Variants in MYADM observed in about 807,000 individuals in gnomAD.
MYADM encodes myeloid-associated differentiation marker.
For synonymous variants in MYADM, 224 were observed against 210.2 expected, an observed-to-expected ratio of 1.07 and a Z score of -0.57; for missense variants, 416 against 443.4, an observed-to-expected ratio of 0.94 and a Z score of 0.56.
rs2068430817 is a variant in MYADM, at chr19:53,873,307, G to A, written c.-2-221G>A. Among the ~76,000 whole-genome samples the A allele has an allele frequency of 6.6e-6, 1 of 152,102 alleles. No homozygotes were observed. The highest frequency in any genetic ancestry group is 1.5e-5 in the Non-Finnish European group (1 of 68,018). On this transcript the variant is annotated intron_variant, in intron 2 of 2. Transcript: ENST00000391770. This position sits in a 1 kb window ranked among gnomAD's most constrained non-coding sequence, Gnocchi z 4.3. Reference sequence around the variant, plus strand: ...GAATCACTTGAACCTGAGTAGCAGAGGTTGTAGTGAGCTGAGATTGTGCCA... The same window carrying A: ...GAATCACTTGAACCTGAGTAGCAGAAGTTGTAGTGAGCTGAGATTGTGCCA...
At chr19:53,872,043 C>T (rs534466104) in intron 2 of MYADM, among the ~76,000 whole-genome samples, 18 of 151,488 alleles carry the variant, frequency 1.2e-4, no homozygotes, top group Non-Finnish European at 1.9e-4. Flanking sequence ...CGATTACAAG[C>T]GCCCACCACC....
rs556633058 is a variant in MYADM, at chr19:53,873,147, G to A, written c.-2-381G>A. ...AGCACTTTGGGAGGCCAAGGCCAGC[G>A]GATCATGAGGTCAGGAGATCGAGAC... On this transcript the variant is annotated intron_variant, in intron 2 of 2. Transcript: ENST00000391770. The surrounding 1 kb of genome is among the most constrained non-coding windows in gnomAD (Gnocchi z 4.3). 1.8e-4 allele frequency among the ~76,000 whole-genome samples: 28 copies of A among 152,236 alleles called. No individual in the cohort carries two copies. The highest frequency in any genetic ancestry group is 1.7e-3 in the East Asian group (9 of 5,164).
intron 2 of MYADM, among the ~76,000 whole-genome samples, chr19:53,872,193 C>G (rs2068404439): frequency 6.6e-6 from 1 of 151,694 alleles, no homozygotes; most frequent in Non-Finnish European, 1.5e-5. Context: ...GCCACTGCGC[C>G]CAGATTATTT....
At chr19:53,871,485 G>T (rs555516549) in intron 2 of MYADM, among the ~76,000 whole-genome samples, 3 of 152,162 alleles carry the variant, frequency 2.0e-5, no homozygotes, top group African/African-American at 7.2e-5. Context: ...TAGACTGAGA[G>T]TGAAGGTTGC....
At chr19:53,872,264 T>C (rs2068406317) in intron 2 of MYADM, among the ~76,000 whole-genome samples, 1 of 151,350 alleles carries the variant, frequency 6.6e-6, no homozygotes, top group Non-Finnish European at 1.5e-5. Flanking sequence ...GGTTCTATCT[T>C]GGCTCACTGC....
chr19:53,872,812 CA>C (rs1381234004), intron 2 of MYADM: 3 of 152,328 alleles, frequency 2.0e-5, no homozygotes, highest in African/African-American at 7.2e-5. Flanking sequence ...TGTGCCTGGC[CA>C]GAGGGGTGGT....
upstream of MYADM, among the ~76,000 whole-genome samples, chr19:53,867,696 G>A (rs2122887392): frequency 6.6e-6 from 1 of 152,282 alleles, no homozygotes; most frequent in South Asian, 2.1e-4. Context: ...GGGTGGGGCG[G>A]GAGCTCCACG....
At position 53,874,777 on chromosome 19, in the gene MYADM, T is replaced by TC; in HGVS notation, c.*279_*280insC. On this transcript the variant is annotated 3_prime_UTR_variant, in exon 3 of 3. Transcript: ENST00000391770. Reference sequence around the variant, plus strand: ...CTGTTTCTCTTTTTCTTTTCTTTTTTTTTTTTTTTTTTTTTTAAGACGGAT... The same window carrying TC: ...CTGTTTCTCTTTTTCTTTTCTTTTTTCTTTTTTTTTTTTTTTTAAGACGGAT... The TC allele has an allele frequency of 6.0e-6, 1 of 166,884 alleles. No homozygotes were observed. The highest frequency in any genetic ancestry group is 2.7e-5 in the African/African-American group (1 of 36,702). 10.3% of individuals were successfully genotyped at this position (166,884 alleles called of 1,614,324 possible). A position where few individuals can be genotyped will look rare whatever the true frequency, so the allele number is the denominator to read the frequency against.
At chr19:53,867,449 C>A (rs533575520), upstream of MYADM, among the ~76,000 whole-genome samples, 2 of 144,256 alleles carry the variant, frequency 1.4e-5, no homozygotes, top group South Asian at 4.4e-4. Context: ...AGGAAGGGAG[C>A]GGAAGAAAGG....
chr19:53,868,907 A>T lies in MYADM; in HGVS notation c.-87-847A>T, dbSNP rs903258189. ...GCGCGCCCCCCTCCGCGGCTAGCCC[A>T]CCTTCCGCGGGGGACAGAATGAGTG... On this transcript the variant is annotated intron_variant, in intron 1 of 2. Transcript: ENST00000391770. This position sits in a 1 kb window ranked among gnomAD's most constrained non-coding sequence, Gnocchi z 6.3. The T allele has an allele frequency of 2.0e-4, 28 of 139,232 alleles. No individual in the cohort carries two copies. Among genetic ancestry groups the T allele is most frequent in the African/African-American group, 6.9e-4 (26 of 37,740 alleles). The allele number at this position is 139,232 out of a possible 1,614,324, so 8.6% of individuals were successfully genotyped here.
At chr19:53,870,421 C>A (rs1440065040) in intron 2 of MYADM, among the ~76,000 whole-genome samples, 1 of 140,756 alleles carries the variant, frequency 7.1e-6, no homozygotes, top group Admixed American at 7.0e-5. Flanking sequence ...GGCCTGGGCT[C>A]CTGGGTCTGA....
rs1006866365 is a variant in MYADM, at chr19:53,873,228, C to T, written c.-2-300C>T. On this transcript the variant is annotated intron_variant, in intron 2 of 2. Transcript: ENST00000391770. The surrounding 1 kb of genome is among the most constrained non-coding windows in gnomAD (Gnocchi z 4.3). ...CTACTAAAAATACAAAAAAATTAGC[C>T]GGGCGTGGTGGCACATGCCTGTAAT... is the stretch of plus-strand genomic sequence containing the variant. 3.3e-5 allele frequency among the ~76,000 whole-genome samples: 5 copies of T among 152,238 alleles called. No individual in the cohort carries two copies. The highest frequency in any genetic ancestry group is 1.9e-4 in the East Asian group (1 of 5,172).
chr19:53,869,705 G>A (rs909893376), intron 1 of MYADM, 49 bp from the exon 2 acceptor site: 10 of 152,566 alleles, frequency 6.6e-5, no homozygotes, highest in African/African-American at 2.4e-4. Flanking sequence ...TCGATCCCTA[G>A]AGGGAGGAGC....
At position 53,873,431 on chromosome 19, in the gene MYADM, G is replaced by T; in HGVS notation, c.-2-97G>T. The T allele has an allele frequency of 2.3e-6, 3 of 1,304,648 alleles. No individual in the cohort carries two copies. The highest frequency in any genetic ancestry group is 2.3e-5 in the Admixed American group (1 of 43,648). 80.8% of individuals were successfully genotyped at this position (1,304,648 alleles called of 1,614,324 possible). On this transcript the variant is annotated intron_variant, in intron 2 of 2. Transcript: ENST00000391770. This position sits in a 1 kb window ranked among gnomAD's most constrained non-coding sequence, Gnocchi z 4.3. The stretch of plus-strand genomic sequence containing the variant: ...ACATCTTGGGAACTCCCTAATTAGA[G>T]CTCATATTAATTTGTCCCTGGGGTA...
Position 53,873,775 on chromosome 19 carries a change from C to G in MYADM, c.246C>G (p.Ile82Met), listed in dbSNP as rs751040298. 5 of 1,613,948 alleles carry G rather than the reference C, an allele frequency of 3.1e-6. No homozygotes were observed. In the Admixed American group the frequency reaches 8.3e-5, roughly 27 times the overall value. The change falls in exon 3 of 3, where the codon ATC becomes ATG. Residue 82 changes from isoleucine to methionine, a missense_variant. Physicochemically the swap from Ile to Met is conservative, Grantham distance 10 (BLOSUM62 1). Coordinates refer to ENST00000391770, the MANE Select transcript of MYADM (RefSeq NM_138373.5). The surrounding 1 kb of genome is among the most constrained non-coding windows in gnomAD (Gnocchi z 4.3). ...WCFCFSVTLI[I>M]LIVELCGLQA... ...TCTGCTTCTCCGTGACCCTGATCATCCTCATCGTGGAGCTGTGCGGGCTCC... is the reference window on the plus strand; with the variant it reads ...TCTGCTTCTCCGTGACCCTGATCATGCTCATCGTGGAGCTGTGCGGGCTCC...
Position 53,873,609 on chromosome 19 carries a change from G to C in MYADM, c.80G>C (p.Gly27Ala). The C allele has an allele frequency of 1.9e-6, 3 of 1,614,048 alleles. No homozygotes were observed. The highest frequency in any genetic ancestry group is 2.5e-6 in the Non-Finnish European group (3 of 1,179,962). Residue 27 changes from glycine to alanine, a missense_variant, in exon 3 of 3, where the codon GGG becomes GCG. Gly to Ala is a moderately conservative substitution (Grantham distance 60). Transcript: ENST00000391770. This position sits in a 1 kb window ranked among gnomAD's most constrained non-coding sequence, Gnocchi z 4.3. ...SSGLGSPMIV[G>A]SPRALTQPLG... is the part of the protein sequence containing the mutation. The stretch of plus-strand genomic sequence containing the variant: ...GGCCTGGGGTCCCCCATGATCGTGG[G>C]GTCCCCTCGGGCCCTGACACAGCCC...
Position 53,876,254 on chromosome 19 carries a change from A to G in MYADM, c.*1756A>G, listed in dbSNP as rs1340246829. The G allele has an allele frequency of 3.1e-5, 3 of 96,394 alleles. No homozygotes were observed. 6.0% of individuals were successfully genotyped at this position (96,394 alleles called of 1,614,324 possible). A position where few individuals can be genotyped will look rare whatever the true frequency, so the allele number is the denominator to read the frequency against. ...TCCTGCTTGTCTGGGACTCACATAC[A>G]TAACGTGATATATATATATATATAT... On this transcript the variant is annotated 3_prime_UTR_variant, in exon 3 of 3. Transcript: ENST00000391770.
upstream of MYADM, among the ~76,000 whole-genome samples, chr19:53,867,158 G>A (rs1275211567): frequency 6.6e-6 from 1 of 152,188 alleles, no homozygotes; most frequent in Non-Finnish European, 1.5e-5. Context: ...GTGCCAGTGG[G>A]TACTAGGGGA....
Position 53,873,424 on chromosome 19 carries a change from A to G in MYADM, c.-2-104A>G, listed in dbSNP as rs547861821. On this transcript the variant is annotated intron_variant, in intron 2 of 2. Coordinates refer to ENST00000391770, the MANE Select transcript of MYADM (RefSeq NM_138373.5). This position sits in a 1 kb window ranked among gnomAD's most constrained non-coding sequence, Gnocchi z 4.3. Reference sequence around the variant, plus strand: ...AAGCCCCACATCTTGGGAACTCCCTAATTAGAGCTCATATTAATTTGTCCC... The same window carrying G: ...AAGCCCCACATCTTGGGAACTCCCTGATTAGAGCTCATATTAATTTGTCCC... The G allele has an allele frequency of 1.5e-4, 181 of 1,231,048 alleles. No homozygotes were observed. Among genetic ancestry groups the G allele is most frequent in the Non-Finnish European group, 2.0e-4 (175 of 881,228 alleles). 76.3% of individuals were successfully genotyped at this position (1,231,048 alleles called of 1,614,324 possible). A position where few individuals can be genotyped will look rare whatever the true frequency, so the allele number is the denominator to read the frequency against.
Sources: gnomAD v4.1 joint callset for allele counts (sites outside exome capture counted in the v4.1 genomes callset) on GRCh38, gnomAD v4.1.1 for gene constraint, Gnocchi (gnomAD v3.1) non-coding constraint, MANE v1.5 for transcripts, NCBI Gene and HGNC (gene_info 2026-07-23, HGNC 2026-07-21) for gene names.